Variants in STIMATE observed in about 807,000 individuals in gnomAD.
STIMATE encodes the protein store-operated calcium entry regulator STIMATE.
In STIMATE, 15 loss-of-function variants were observed where a neutral mutation model predicts 36.7. That is an observed-to-expected ratio of 0.41 (90% CI 0.27 to 0.63). The LOEUF (loss-of-function observed/expected upper bound fraction) is 0.63. Among genes scored for constraint, STIMATE ranks in the 20% least tolerant of loss-of-function variants. STIMATE has a pLI of 0.32. For synonymous variants in STIMATE, 163 were observed against 162.3 expected (o/e 1.00, Z -0.03); for missense variants, 305 against 397.3 (o/e 0.77, Z 1.98).
At chr3:52,882,090 A>G (rs1289101341) in intron 1 of STIMATE, among the ~76,000 whole-genome samples, 1 of 152,192 alleles carries the variant, frequency 6.6e-6, no homozygotes, top group Admixed American at 6.5e-5. Context: ...GGGCTGCATC[A>G]CCGGAAGTCT....
At position 52,849,858 on chromosome 3, in the gene STIMATE, C is replaced by T; in HGVS notation, c.361G>A (p.Gly121Arg). ...ACCAGGACGCTGACGGCGCGCACCC[C>T]CACGTAGATGAGCAGCATGCCCACA... Reference protein sequence around the residue: ...ATVGMLLIYVGVRAVSVLVEW... With the variant: ...ATVGMLLIYVRVRAVSVLVEW... Residue 121 changes from glycine to arginine, a missense_variant, in exon 4 of 8, where the codon GGG (glycine) becomes AGG (arginine). Transcript: ENST00000355083. 1 of 1,613,794 alleles carries T rather than the reference C, an allele frequency of 6.2e-7. No homozygotes were observed. The highest frequency in any genetic ancestry group is 8.5e-7 in the Non-Finnish European group (1 of 1,179,990).
At chr3:52,845,324 C>T (rs1007854169) in intron 4 of STIMATE, among the ~76,000 whole-genome samples, 7 of 152,210 alleles carry the variant, frequency 4.6e-5, no homozygotes, top group African/African-American at 1.4e-4. Context: ...CCAGTGACAG[C>T]GGGGCTGCCC....
At chr3:52,890,154 CT>C (rs1218364809) in intron 1 of STIMATE, among the ~76,000 whole-genome samples, 1 of 152,208 alleles carries the variant, frequency 6.6e-6, no homozygotes, top group African/African-American at 2.4e-5. Context: ...CTACAATCCT[CT>C]TCACGCTATA....
At chr3:52,874,919 T>C (rs934363796) in intron 1 of STIMATE, among the ~76,000 whole-genome samples, 1 of 152,216 alleles carries the variant, frequency 6.6e-6, no homozygotes, top group African/African-American at 2.4e-5. Context: ...AATTACAATT[T>C]TGCACATTAG....
Position 52,837,981 on chromosome 3 carries a change from TACATGTGTGTGCACGTGCACGTGCAC to T in STIMATE, c.*2487_*2512del, listed in dbSNP as rs1360694057. ...TCCTGGGGATACAGATTTGTGTGTG[TACATGTGTGTGCACGTGCACGTGCAC>T]ACACACACACAAACACACAAGAAAG... On this transcript the variant is annotated 3_prime_UTR_variant, in exon 8 of 8. Transcript: ENST00000355083. The T allele has an allele frequency of 9.3e-4, 25 of 26,800 alleles. No individual in the cohort carries two copies. The Non-Finnish European group carries it at 0.066, about 70-fold the overall frequency. 1.7% of individuals were successfully genotyped at this position (26,800 alleles called of 1,614,324 possible). A position where few individuals can be genotyped will look rare whatever the true frequency, so the allele number is the denominator to read the frequency against.
At chr3:52,885,229 GT>G (rs1348185884) in intron 1 of STIMATE, among the ~76,000 whole-genome samples, 1 of 152,104 alleles carries the variant, frequency 6.6e-6, no homozygotes, top group Non-Finnish European at 1.5e-5. Context: ...CTGGAGAAAT[GT>G]CTTCAGATCC....
At chr3:52,854,322 AC>A (rs756407325) in intron 2 of STIMATE, among the ~76,000 whole-genome samples, 1 of 152,098 alleles carries the variant, frequency 6.6e-6, no homozygotes, top group Non-Finnish European at 1.5e-5. Context: ...CACCAAAAGG[AC>A]CAAGTCATGA....
At chr3:52,860,430 C>T (rs906956841) in intron 1 of STIMATE, among the ~76,000 whole-genome samples, 2 of 151,818 alleles carry the variant, frequency 1.3e-5, no homozygotes, top group African/African-American at 2.4e-5. Flanking sequence ...CGGGAAGAGC[C>T]GTCCAGGCAG....
intron 1 of STIMATE, among the ~76,000 whole-genome samples, chr3:52,879,761 T>C (rs1336487430): frequency 6.6e-6 from 1 of 152,230 alleles, no homozygotes; most frequent in Non-Finnish European, 1.5e-5. Flanking sequence ...ATTAAGTTTT[T>C]CTGCCCCTCT....
chr3:52,855,551 A>T (rs777076695), intron 1 of STIMATE, 107 bp from the exon 2 acceptor site: 7 of 1,447,880 alleles, frequency 4.8e-6, no homozygotes, highest in Non-Finnish European at 6.7e-6. Context: ...TAACCAAGGT[A>T]ATACACACAC....
intron 4 of STIMATE, chr3:52,846,476 T>C (rs4687671): frequency 0.89 from 135,472 of 152,214 alleles, 62,187 homozygotes; most frequent in Non-Finnish European, 1. Context: ...CTGGAGTGTT[T>C]GGGAGCCAGC....
intron 1 of STIMATE, among the ~76,000 whole-genome samples, chr3:52,856,740 T>C (rs1701105211): frequency 6.6e-6 from 1 of 152,134 alleles, no homozygotes; most frequent in Non-Finnish European, 1.5e-5. Flanking sequence ...ACAGTGGATG[T>C]CTGGGCACTC....
chr3:52,869,285 G>A (rs989374451), intron 1 of STIMATE, among the ~76,000 whole-genome samples: 1 of 152,194 alleles, frequency 6.6e-6, no homozygotes, highest in Admixed American at 6.5e-5. Flanking sequence ...AACTGAGCAC[G>A]CTGCTCCTGG....
At chr3:52,845,072 C>CA in intron 4 of STIMATE, 131 bp from the exon 5 acceptor site, 2 of 739,094 alleles carry the variant, frequency 2.7e-6, no homozygotes, top group Non-Finnish European at 4.1e-6. Flanking sequence ...ATGAGCCCCC[C>CA]CAAAAGTCCA....
In STIMATE at chr3:52,850,721, T is replaced by C. The variant is rs960263101; in HGVS notation, c.306-808A>G. 1.0e-4 allele frequency among the ~76,000 whole-genome samples: 15 copies of C among 147,568 alleles called. No homozygotes were observed. In the Admixed American group the frequency reaches 1.1e-3, roughly 10 times the overall value. ...CCCATCTGCAGTCAAGCATAAGTAA[T>C]ATTTTTACACTGTTTTTTTCTTTTT... On this transcript the variant is annotated intron_variant, in intron 3 of 7. Coordinates refer to ENST00000355083, the MANE Select transcript of STIMATE (RefSeq NM_198563.5).
intron 1 of STIMATE, among the ~76,000 whole-genome samples, chr3:52,893,837 C>T (rs1403888036): frequency 6.6e-6 from 1 of 152,176 alleles, no homozygotes; most frequent in African/African-American, 2.4e-5. Context: ...TACACTTCAG[C>T]CCAGAACCCT....
intron 1 of STIMATE, among the ~76,000 whole-genome samples, chr3:52,867,531 C>T (rs913919748): frequency 1.3e-5 from 2 of 152,194 alleles, no homozygotes; most frequent in East Asian, 1.9e-4. Context: ...TCCAATGACC[C>T]GGAGGCAGAA....
Position 52,896,957 on chromosome 3 carries a change from C to A in STIMATE, c.160+334G>T, listed in dbSNP as rs558405370. Among the ~76,000 whole-genome samples, 9 of 152,190 alleles carry A rather than the reference C, an allele frequency of 5.9e-5. No homozygotes were observed. The South Asian group carries it at 1.9e-3, about 32-fold the overall frequency. ...CGAAGAGCCCCTGAGAAGGGGCGGA[C>A]AAGGGGATGTCACCCTTGGGGGTCA... is the stretch of plus-strand genomic sequence containing the variant. On this transcript the variant is annotated intron_variant, in intron 1 of 7. Coordinates refer to ENST00000355083, the MANE Select transcript of STIMATE (RefSeq NM_198563.5).
chr3:52,873,003 T>A (rs1701433433), intron 1 of STIMATE, among the ~76,000 whole-genome samples: 1 of 152,230 alleles, frequency 6.6e-6, no homozygotes, highest in South Asian at 2.1e-4. Context: ...AAGACTTAAT[T>A]TCTTCTGAAC....
Sources: gnomAD v4.1 joint callset for allele counts (sites outside exome capture counted in the v4.1 genomes callset) on GRCh38, gnomAD v4.1.1 for gene constraint, MANE v1.5 for transcripts, NCBI Gene and HGNC (gene_info 2026-07-23, HGNC 2026-07-21) for gene names.